The following MCF2L variants were observed in gnomAD, a reference collection of about 807,000 sequenced individuals.
MCF2L encodes guanine nucleotide exchange factor DBS.
MCF2L carries 97 observed loss-of-function variants against 153.4 expected under a neutral mutation model. That is an observed-to-expected ratio of 0.63 (90% confidence interval 0.54 to 0.75). MCF2L has a LOEUF of 0.75. Ranked by LOEUF, MCF2L falls within the 30% of genes least tolerant of loss-of-function variation. The pLI is 0.00. For missense variants in MCF2L, 1,347 were observed against 1,495.2 expected, an observed-to-expected ratio of 0.90 and a Z score of 1.64; for synonymous variants, 659 against 632.2, an observed-to-expected ratio of 1.04 and a Z score of -0.64.
chr13:113,039,408 C>T (rs145042811), intron 3 of MCF2L, among the ~76,000 whole-genome samples: 28 of 152,146 alleles, frequency 1.8e-4, no homozygotes, highest in Middle Eastern at 3.4e-3. Context: ...AGATTTCTTA[C>T]GCAAGGTTTA....
chr13:113,066,983 C>T (rs1168526149), intron 8 of MCF2L, among the ~76,000 whole-genome samples: 3 of 152,248 alleles, frequency 2.0e-5, no homozygotes, highest in East Asian at 1.9e-4. Flanking sequence ...GGGGACTCGA[C>T]GGCGCATCCT....
At chr13:113,015,822 G>T (rs1594668186) in intron 2 of MCF2L, among the ~76,000 whole-genome samples, 1 of 152,232 alleles carries the variant, frequency 6.6e-6, no homozygotes. Context: ...AAAGCAGGGG[G>T]TCTCTGGAGA....
chr13:112,960,801 A>T lies in MCF2L; in HGVS notation c.170-53962A>T, dbSNP rs2081816198. ...ATGGCCGCACCACCCAGACCCTTAC[A>T]TCCATCCTCACATCTCCTCCCTGCC... On this transcript the variant is annotated intron_variant, in intron 2 of 29. Coordinates refer to the MCF2L transcript ENST00000375608. This position sits in a 1 kb window ranked among gnomAD's most constrained non-coding sequence, Gnocchi z 4.2. 6.6e-6 allele frequency among the ~76,000 whole-genome samples: 1 copy of T among 151,800 alleles called. No homozygotes were observed. Among genetic ancestry groups the T allele is most frequent in the East Asian group, 1.9e-4 (1 of 5,166 alleles).
chr13:113,065,380 G>T (rs961936792), intron 7 of MCF2L: 2 of 438,134 alleles, frequency 4.6e-6, no homozygotes, highest in Admixed American at 3.8e-5. Flanking sequence ...GGCTTCAGGA[G>T]TGGGACCAGG....
At chr13:112,899,459 T>C (rs775514932) in intron 1 of MCF2L, among the ~76,000 whole-genome samples, 3 of 152,128 alleles carry the variant, frequency 2.0e-5, no homozygotes, top group Non-Finnish European at 4.4e-5. Context: ...TCATCCATCC[T>C]CTCGGGGCGG....
At chr13:113,084,101 C>T in intron 18 of MCF2L, 34 bp downstream of exon 18, 2 of 1,548,122 alleles carry the variant, frequency 1.3e-6, no homozygotes, top group Non-Finnish European at 8.9e-7. Context: ...TTTGTCACAA[C>T]TTCTTAAAAG....
At chr13:113,011,850 CGGTGTGG>C (rs2084145427) in intron 1 of MCF2L, among the ~76,000 whole-genome samples, 1 of 75,764 alleles carries the variant, frequency 1.3e-5, no homozygotes, top group Admixed American at 1.3e-4. Context: ...GGTGGACAGG[CGGTGTGG>C]ACGGTGGACA....
At chr13:113,002,613 T>TG (rs752446449) in intron 1 of MCF2L, among the ~76,000 whole-genome samples, 1 of 152,196 alleles carries the variant, frequency 6.6e-6, no homozygotes, top group African/African-American at 2.4e-5. Flanking sequence ...TGGTCCACAC[T>TG]GGCCCCATCC....
At position 113,070,166 on chromosome 13, in the gene MCF2L, T is replaced by G. The variant is rs1313450189; in HGVS notation, c.989T>G (p.Phe330Cys). Residue 330 changes from phenylalanine (F) to cysteine (C), a missense_variant, in exon 9 of 30, where the codon TTC (phenylalanine) becomes TGC (cysteine). Transcript: ENST00000535094. This position sits in a 1 kb window ranked among gnomAD's most constrained non-coding sequence, Gnocchi z 5.6. ...CLQLRHFEQG[F>C]REVKAILDAA... ...CAGCTCCGGCACTTTGAGCAGGGCTTCCGGGAGGTGAGTGGCCCTGGGTGG... is the reference window on the plus strand; with the variant it reads ...CAGCTCCGGCACTTTGAGCAGGGCTGCCGGGAGGTGAGTGGCCCTGGGTGG... 1 of 1,594,024 alleles carries G rather than the reference T, an allele frequency of 6.3e-7. No individual in the cohort carries two copies. Among genetic ancestry groups the G allele is most frequent in the Non-Finnish European group, 8.5e-7 (1 of 1,172,418 alleles).
intron 2 of MCF2L, among the ~76,000 whole-genome samples, chr13:112,955,823 A>C (rs572462247): frequency 6.6e-6 from 1 of 152,274 alleles, no homozygotes; most frequent in Non-Finnish European, 1.5e-5. Flanking sequence ...GGTGCCTTTA[A>C]AATACAGATA....
At chr13:113,006,973 A>G (rs1277330170) in intron 1 of MCF2L, among the ~76,000 whole-genome samples, 1 of 152,042 alleles carries the variant, frequency 6.6e-6, no homozygotes, top group Non-Finnish European at 1.5e-5. Context: ...CTTGGGGGAG[A>G]GGGTGGCAGG....
Position 112,920,393 on chromosome 13 carries a change from G to A in MCF2L, c.169+18022G>A, listed in dbSNP as rs9577400. ...CTGGCTTGTGTGTGTGTGTGCACAC[G>A]CGTGTTTGTGATCAGTTATCTGATA... On this transcript the variant is annotated intron_variant, in intron 2 of 29. Transcript: ENST00000375608. Among the ~76,000 whole-genome samples the A allele has an allele frequency of 1.8e-3, 267 of 152,250 alleles. 4 individuals are homozygous for A. The East Asian group carries it at 0.04, about 23-fold the overall frequency.
intron 20 of MCF2L, 132 bp from the exon 21 acceptor site, chr13:113,085,992 C>G: frequency 1.1e-6 from 1 of 933,390 alleles, no homozygotes; most frequent in Non-Finnish European, 1.5e-6. Flanking sequence ...GGAGGGCAGG[C>G]AGGGCAGCTC....
rs773217780 is a variant in MCF2L, at chr13:113,085,097, A to G, written c.2166A>G (p.Arg722=). 3.1e-6 allele frequency: 5 copies of G among 1,613,626 alleles called. No homozygotes were observed. The South Asian group carries it at 5.5e-5, about 18-fold the overall frequency. Residue 722 remains arginine, a synonymous_variant, in exon 20 of 30, where the codon AGA becomes AGG. Coordinates refer to ENST00000535094, the MANE Select transcript of MCF2L (RefSeq NM_001112732.3). ...TGGGTTGGTTCCAGGAATGCCAGAG[A>G]AAGCTGGACCACAAGCTGAGCCTGG... The part of the protein sequence containing the change: ...SDCPFFQECQ[R]KLDHKLSLDS...
rs1036468185 is a variant in MCF2L at position 113,045,193 on chromosome 13, G to T, written c.279-78G>T. ...TGAATATGGGGGATCGCTCTCCCAAGAGGTTTTCTGAGGGATTTCGTGGGC... is the reference window on the plus strand; with the variant it reads ...TGAATATGGGGGATCGCTCTCCCAATAGGTTTTCTGAGGGATTTCGTGGGC... On this transcript the variant is annotated intron_variant, in intron 3 of 29. Coordinates refer to ENST00000535094, the MANE Select transcript of MCF2L (RefSeq NM_001112732.3). This position sits in a 1 kb window ranked among gnomAD's most constrained non-coding sequence, Gnocchi z 4.2. 68 of 1,170,476 alleles carry T rather than the reference G, an allele frequency of 5.8e-5. No individual in the cohort carries two copies. In the African/African-American group the frequency reaches 9.8e-4, roughly 17 times the overall value. The allele number at this position is 1,170,476 out of a possible 1,614,324, so 72.5% of individuals were successfully genotyped here. A position where few individuals can be genotyped will look rare whatever the true frequency, so the allele number is the denominator to read the frequency against.
chr13:113,003,843 G>C (rs1045295653), intron 1 of MCF2L, among the ~76,000 whole-genome samples: 1 of 152,198 alleles, frequency 6.6e-6, no homozygotes, highest in Non-Finnish European at 1.5e-5. Context: ...CTTGCCACCT[G>C]TGGGTGACCT....
chr13:112,925,957 G>A (rs12430633), intron 2 of MCF2L, among the ~76,000 whole-genome samples: 26,915 of 152,086 alleles, frequency 0.18, 2,653 homozygotes, highest in African/African-American at 0.25. Flanking sequence ...TTTAATATAT[G>A]GTTTCTAAAG....
intron 2 of MCF2L, among the ~76,000 whole-genome samples, chr13:113,019,264 C>T (rs537990071): frequency 5.7e-4 from 87 of 152,314 alleles, no homozygotes; most frequent in Non-Finnish European, 8.4e-4. Context: ...GAGAGGGATT[C>T]GAAGTGGGGA....
chr13:112,980,094 G>T (rs541116988), intron 1 of MCF2L, among the ~76,000 whole-genome samples: 1 of 152,326 alleles, frequency 6.6e-6, no homozygotes, highest in African/African-American at 2.4e-5. Flanking sequence ...GGGCACACGC[G>T]GTCTGTGGGC....
Sources: gnomAD v4.1 joint callset for allele counts (sites outside exome capture counted in the v4.1 genomes callset) on GRCh38, gnomAD v4.1.1 for gene constraint, Gnocchi (gnomAD v3.1) non-coding constraint, MANE v1.5 for transcripts, NCBI Gene and HGNC (gene_info 2026-07-23, HGNC 2026-07-21) for gene names.